The following ARMH3 variants were observed in gnomAD, a reference collection of about 807,000 sequenced individuals.
ARMH3 encodes the protein armadillo-like helical domain-containing protein 3.
A neutral mutation model predicts 99.1 loss-of-function variants in ARMH3; 60 were observed. The observed-to-expected ratio is 0.61, with a 90% confidence interval of 0.49 to 0.75. ARMH3 has a LOEUF of 0.75. ARMH3 is among the 30% of genes least tolerant of loss of function. The pLI is 0.00. For synonymous variants in ARMH3, 285 were observed against 292.8 expected (o/e 0.97, Z 0.27); for missense variants, 679 against 843.1 (o/e 0.81, Z 2.41).
intron 20 of ARMH3, among the ~76,000 whole-genome samples, chr10:101,971,348 G>A (rs1446352610): frequency 6.6e-6 from 1 of 152,038 alleles, no homozygotes; most frequent in Non-Finnish European, 1.5e-5. Context: ...GGAGACAGAG[G>A]AGGGCAGATC....
At chr10:101,940,434 T>G (rs996573300) in intron 22 of ARMH3, among the ~76,000 whole-genome samples, 11 of 152,176 alleles carry the variant, frequency 7.2e-5, no homozygotes, top group Non-Finnish European at 1.5e-5. Flanking sequence ...GATGGTCATG[T>G]GTCAATCAAG....
intron 10 of ARMH3, among the ~76,000 whole-genome samples, chr10:102,012,573 A>G (rs987988305): frequency 1.3e-5 from 2 of 152,226 alleles, no homozygotes; most frequent in African/African-American, 4.8e-5. Flanking sequence ...AATGCTCTGT[A>G]ATAAAATACC....
intron 20 of ARMH3, among the ~76,000 whole-genome samples, chr10:101,966,011 G>C (rs1404083495): frequency 1.3e-5 from 2 of 152,186 alleles, no homozygotes; most frequent in South Asian, 4.1e-4. Context: ...GGGAAGCTGA[G>C]CCAGGACCAG....
chr10:102,023,596 T>C (rs753848884), intron 7 of ARMH3, 33 bp from the exon 8 acceptor site: 15 of 1,610,410 alleles, frequency 9.3e-6, no homozygotes, highest in Non-Finnish European at 1.3e-5. Context: ...ATGAGACTGC[T>C]AACTCCTGGT....
At chr10:101,858,849 T>A (rs1355586038) in intron 24 of ARMH3, among the ~76,000 whole-genome samples, 1 of 152,202 alleles carries the variant, frequency 6.6e-6, no homozygotes, top group Non-Finnish European at 1.5e-5. Flanking sequence ...TGGATTTTCA[T>A]AATGTCTAAC....
chr10:101,872,998 C>T (rs776685848), intron 24 of ARMH3, among the ~76,000 whole-genome samples: 4 of 151,674 alleles, frequency 2.6e-5, no homozygotes, highest in African/African-American at 7.3e-5. Context: ...ATACTACATA[C>T]CCAATGGCTA....
chr10:101,993,292 A>C (rs1472942212), intron 17 of ARMH3, among the ~76,000 whole-genome samples: 2 of 151,998 alleles, frequency 1.3e-5, no homozygotes, highest in Non-Finnish European at 2.9e-5. Flanking sequence ...AAAAGAAAAA[A>C]AAAAAAAAAG....
At chr10:102,044,505 G>C (rs2067498613) in intron 1 of ARMH3, among the ~76,000 whole-genome samples, 1 of 151,744 alleles carries the variant, frequency 6.6e-6, no homozygotes, top group Non-Finnish European at 1.5e-5. Context: ...CAAGTAGCTA[G>C]AACTATAGGT....
intron 24 of ARMH3, among the ~76,000 whole-genome samples, chr10:101,859,521 G>A (rs190375554): frequency 2.0e-5 from 3 of 152,346 alleles, no homozygotes; most frequent in African/African-American, 4.8e-5. Flanking sequence ...GGGAGAGGAT[G>A]TCACTCTACT....
intron 20 of ARMH3, among the ~76,000 whole-genome samples, chr10:101,973,086 C>A (rs1432938587): frequency 2.6e-5 from 4 of 152,068 alleles, no homozygotes; most frequent in Admixed American, 1.3e-4. Flanking sequence ...CGCAGCCAGG[C>A]ATGGTGACTC....
intron 2 of ARMH3, 84 bp from the exon 3 acceptor site, chr10:102,033,423 T>C: frequency 7.1e-7 from 1 of 1,415,554 alleles, no homozygotes. Flanking sequence ...ACCTTAGTTT[T>C]CTTTTTTTTT....
At chr10:101,985,192 G>GTGTATATATATACGTATATA (rs562048897) in intron 19 of ARMH3, among the ~76,000 whole-genome samples, 8 of 145,342 alleles carry the variant, frequency 5.5e-5, no homozygotes, top group Admixed American at 1.4e-4. Context: ...ATATATATGT[G>GTGTATATATATACGTATATA]TGTATATATA....
At chr10:101,998,016 A>C (rs1451347517) in intron 15 of ARMH3, among the ~76,000 whole-genome samples, 1 of 152,126 alleles carries the variant, frequency 6.6e-6, no homozygotes, top group Non-Finnish European at 1.5e-5. Flanking sequence ...TTCATTCCTA[A>C]CCTTGCCCTT....
chr10:102,003,441 C>T (rs559259353), intron 14 of ARMH3, among the ~76,000 whole-genome samples: 26 of 152,316 alleles, frequency 1.7e-4, no homozygotes, highest in Non-Finnish European at 2.5e-4. Context: ...GGGATTAAGG[C>T]ATGAGCCACT....
chr10:102,041,090 A>ATATATATATATATAATATATATATATAT (rs1554897209), intron 1 of ARMH3, among the ~76,000 whole-genome samples: 3 of 132,628 alleles, frequency 2.3e-5, no homozygotes, highest in Admixed American at 7.7e-5. Context: ...ATATATATAT[A>ATATATATATATATAATATATATATATAT]ATATATATAT....
rs545124934 is a variant in ARMH3, at chr10:101,990,256, T to G, written c.1406+295A>C. Reference sequence around the variant, plus strand: ...TGGAGTGCAGTGGCACAATCTCAGCTGACTGCAAGCTCCGCCTCCTGGGTT... The same window carrying G: ...TGGAGTGCAGTGGCACAATCTCAGCGGACTGCAAGCTCCGCCTCCTGGGTT... On this transcript the variant is annotated intron_variant, in intron 19 of 25. Transcript: ENST00000370033. Among the ~76,000 whole-genome samples the G allele has an allele frequency of 1.1e-4, 17 of 150,696 alleles. No individual in the cohort carries two copies. The East Asian group carries it at 3.3e-3, about 30-fold the overall frequency.
rs1846910832 is a variant in ARMH3 at position 101,993,598 on chromosome 10, T to C, written c.1215A>G (p.Gln405=). Residue 405 remains glutamine, a synonymous_variant, in exon 17 of 26, where the codon CAA becomes CAG. Transcript: ENST00000370033. The part of the protein sequence containing the change: ...LIILTCIAED[Q]YANAFLHDDN... ...CATCATGCAAAAATGCATTGGCATATTGATCCTAATAAAAATATAGAGAAA... is the reference window on the plus strand; with the variant it reads ...CATCATGCAAAAATGCATTGGCATACTGATCCTAATAAAAATATAGAGAAA... The C allele has an allele frequency of 2.5e-6, 4 of 1,588,316 alleles. No homozygotes were observed. Among genetic ancestry groups the C allele is most frequent in the South Asian group, 2.3e-5 (2 of 87,176 alleles).
chr10:101,894,861 A>G (rs2067782729), intron 23 of ARMH3, among the ~76,000 whole-genome samples: 1 of 147,168 alleles, frequency 6.8e-6, no homozygotes, highest in South Asian at 2.3e-4. Flanking sequence ...CAAAAGAGCG[A>G]AACTCTGCCA....
chr10:102,045,625 G>C (rs972132211), intron 1 of ARMH3, among the ~76,000 whole-genome samples: 3 of 152,118 alleles, frequency 2.0e-5, no homozygotes, highest in East Asian at 1.9e-4. Flanking sequence ...TTTTTGTAAA[G>C]TTTATTAAAG....
Sources: allele counts gnomAD v4.1 joint callset (sites outside exome capture counted in the v4.1 genomes callset), GRCh38; gene constraint gnomAD v4.1.1; transcripts MANE v1.5; gene names NCBI Gene and HGNC (gene_info 2026-07-23, HGNC 2026-07-21).